The following COL4A3 variants were observed in gnomAD, a reference collection of about 807,000 sequenced individuals.
The protein encoded by COL4A3 is collagen type IV alpha 3 chain.
In COL4A3, 135 loss-of-function variants were observed where a neutral mutation model predicts 217.4. The ratio of observed to expected loss-of-function variants is 0.62; its 90% confidence interval spans 0.54 to 0.72. The LOEUF is 0.72. Ranked by LOEUF, COL4A3 falls within the 30% of genes least tolerant of loss-of-function variation. COL4A3 has a pLI of 0.00. For synonymous variants in COL4A3, 690 were observed against 736.3 expected, an observed-to-expected ratio of 0.94 and a Z score of 1.02; for missense variants, 1,868 against 2,119.9, an observed-to-expected ratio of 0.88 and a Z score of 2.33.
intron 22 of COL4A3, 21 bp downstream of exon 22, chr2:227,266,530 T>C: frequency 6.4e-7 from 1 of 1,567,240 alleles, no homozygotes; most frequent in Non-Finnish European, 8.8e-7. Flanking sequence ...TCAATAATGT[T>C]GTATTAGGAT....
At chr2:227,264,039 C>T (rs914157651) in intron 21 of COL4A3, 95 bp downstream of exon 21, 1 of 1,432,718 alleles carries the variant, frequency 7.0e-7, no homozygotes, top group African/African-American at 1.4e-5. Flanking sequence ...GCTTAGCCAT[C>T]AGTCTGTGTG....
chr2:227,246,619 G>C, intron 6 of COL4A3, 66 bp from the exon 7 acceptor site: 1 of 1,360,442 alleles, frequency 7.4e-7, no homozygotes, highest in Admixed American at 1.8e-5. Flanking sequence ...CGAGAAACAG[G>C]AAAAATATCT....
chr2:227,281,033 A>G (rs1488083485), intron 31 of COL4A3, 27 bp downstream of exon 31: 19 of 1,423,086 alleles, frequency 1.3e-5, no homozygotes, highest in Non-Finnish European at 1.7e-5. Context: ...AAAACTGGCC[A>G]CCAGAAGGGC....
chr2:227,280,348 G>A, intron 29 of COL4A3, 92 bp from the exon 30 acceptor site: 1 of 1,426,884 alleles, frequency 7.0e-7, no homozygotes, highest in Admixed American at 1.7e-5. Flanking sequence ...TAGTGGCTGT[G>A]CAACAGGGAC....
At chr2:227,247,088 A>G (rs1357396858) in intron 7 of COL4A3, among the ~76,000 whole-genome samples, 1 of 152,186 alleles carries the variant, frequency 6.6e-6, no homozygotes, top group African/African-American at 2.4e-5. Flanking sequence ...ATCAAGGAGA[A>G]TGATCCTGTA....
intron 27 of COL4A3, among the ~76,000 whole-genome samples, chr2:227,276,756 T>C (rs936575225): frequency 1.3e-5 from 2 of 152,358 alleles, no homozygotes; most frequent in Admixed American, 6.5e-5. Context: ...AAAACCGTTC[T>C]GGAGTTTTGG....
At chr2:227,239,631 C>A (rs1160735980) in intron 2 of COL4A3, among the ~76,000 whole-genome samples, 1 of 152,238 alleles carries the variant, frequency 6.6e-6, no homozygotes, top group Admixed American at 6.5e-5. Flanking sequence ...ACCTTTCCTG[C>A]ATCTCCTACA....
intron 30 of COL4A3, 67 bp from the exon 31 acceptor site, chr2:227,280,826 A>T (rs1360857970): frequency 3.3e-6 from 4 of 1,211,260 alleles, no homozygotes; most frequent in Non-Finnish European, 4.8e-6. Flanking sequence ...CAGAAGAATG[A>T]CTGGTACAGC....
At chr2:227,208,330 A>G (rs576898103) in intron 1 of COL4A3, among the ~76,000 whole-genome samples, 45 of 152,298 alleles carry the variant, frequency 3.0e-4, no homozygotes, top group African/African-American at 1.0e-3. Flanking sequence ...TGGCTTCAAG[A>G]GTCCGAACCT....
intron 1 of COL4A3, among the ~76,000 whole-genome samples, chr2:227,223,564 C>CCCGT (rs764995568): frequency 2.9e-4 from 14 of 48,114 alleles, no homozygotes; most frequent in Non-Finnish European, 9.1e-4. Flanking sequence ...TGAGACGCCC[C>CCCGT]CCCAACTCTA....
chr2:227,312,468 G>A lies in COL4A3; in HGVS notation c.*598G>A, dbSNP rs1322463888. 6.6e-6 allele frequency: 1 copy of A among 152,394 alleles called. No individual in the cohort carries two copies. The highest frequency in any genetic ancestry group is 1.5e-5 in the Non-Finnish European group (1 of 68,190). 9.4% of individuals were successfully genotyped at this position (152,394 alleles called of 1,614,324 possible). On this transcript the variant is annotated 3_prime_UTR_variant, in exon 52 of 52. Transcript: ENST00000396578. ...ACATGCCCATTACTAACGGCAAAAG[G>A]GGGATTCCCTGATGGAACCATAATA...
rs755792441 is a variant in COL4A3 at position 227,280,569 on chromosome 2, G to A, written c.2353G>A (p.Glu785Lys). The stretch of plus-strand genomic sequence containing the variant: ...AGGTCTCCCTGGAACTCCAGGAAAT[G>A]AAGGGCTTGATGGACCACGAGGTAC... The part of the protein sequence containing the change: ...LPGLPGTPGN[E>K]GLDGPRGDPG... The change falls in exon 30 of 52, where the codon GAA becomes AAA. Residue 785 changes from glutamate (E) to lysine (K), a missense_variant. Physicochemically the swap from Glu to Lys is moderately conservative, Grantham distance 56. Transcript: ENST00000396578. The A allele has an allele frequency of 1.3e-5, 21 of 1,613,982 alleles. No individual in the cohort carries two copies. The highest frequency in any genetic ancestry group is 1.8e-5 in the Non-Finnish European group (21 of 1,180,020).
rs1266557600 is a variant in COL4A3 at position 227,304,117 on chromosome 2, G to A, written c.4126G>A (p.Gly1376Arg). Residue 1376 changes from glycine to arginine, a missense_variant, in exon 46 of 52, where the codon GGG (glycine) becomes AGG (arginine). Transcript: ENST00000396578. ...PGEPGMQGEP[G>R]PPGPPGNLGP... ...AGAACCAGGGATGCAGGGAGAACCT[G>A]GGCCACCAGGGCCACCTGGAAACCT... 1.9e-6 allele frequency: 3 copies of A among 1,613,982 alleles called. No homozygotes were observed. The highest frequency in any genetic ancestry group is 2.5e-6 in the Non-Finnish European group (3 of 1,180,000).
intron 49 of COL4A3, 27 bp from the exon 50 acceptor site, chr2:227,309,177 C>T (rs759917866): frequency 6.1e-5 from 99 of 1,611,850 alleles, no homozygotes; most frequent in Non-Finnish European, 7.9e-5. Context: ...GTGGCAATGC[C>T]GCCATAGTCT....
chr2:227,219,815 A>G (rs72977807), intron 1 of COL4A3, among the ~76,000 whole-genome samples: 7,293 of 152,294 alleles, frequency 0.048, 234 homozygotes, highest in Middle Eastern at 0.068. Context: ...TTATCTGTCT[A>G]GTACTCTGTG....
At chr2:227,290,204 C>T in intron 36 of COL4A3, 116 bp downstream of exon 36, 1 of 1,047,062 alleles carries the variant, frequency 9.6e-7, no homozygotes, top group Admixed American at 2.0e-5. Flanking sequence ...TATTAAAAAA[C>T]TAGATTTGCG....
chr2:227,204,327 G>A (rs1358488719), intron 1 of COL4A3, among the ~76,000 whole-genome samples: 2 of 152,174 alleles, frequency 1.3e-5, no homozygotes, highest in East Asian at 3.9e-4. Flanking sequence ...GCTGCCACCT[G>A]GTACTGCTTC....
At chr2:227,181,541 T>C (rs1379050232) in intron 1 of COL4A3, among the ~76,000 whole-genome samples, 1 of 152,192 alleles carries the variant, frequency 6.6e-6, no homozygotes, top group African/African-American at 2.4e-5. Flanking sequence ...TAGATAAAAG[T>C]AAAAACAAAA....
chr2:227,241,925 T>C (rs1382054605), intron 3 of COL4A3, among the ~76,000 whole-genome samples: 1 of 152,152 alleles, frequency 6.6e-6, no homozygotes, highest in African/African-American at 2.4e-5. Context: ...ACTTGAGTAA[T>C]TTTTCCTGGG....
Sources: gnomAD v4.1 joint callset for allele counts (sites outside exome capture counted in the v4.1 genomes callset) on GRCh38, gnomAD v4.1.1 for gene constraint, MANE v1.5 for transcripts, NCBI Gene and HGNC (gene_info 2026-07-23, HGNC 2026-07-21) for gene names.